NEK4: variants seen among roughly 807,000 people sequenced by gnomAD.
The protein encoded by NEK4 is serine/threonine-protein kinase Nek4.
A neutral mutation model predicts 98.4 loss-of-function variants in NEK4; 86 were observed. That is an observed-to-expected ratio of 0.87 (90% CI 0.73 to 1.05). The LOEUF (loss-of-function observed/expected upper bound fraction) is 1.05, where lower values mean the gene tolerates loss of function less well. Among genes scored for constraint, NEK4 ranks in the 50% least tolerant of loss-of-function variants. The pLI is 0.00. For missense variants in NEK4, 898 were observed against 950.3 expected (o/e 0.94, Z 0.72); for synonymous variants, 328 against 342.2 (o/e 0.96, Z 0.46).
At chr3:52,732,642 A>G in intron 15 of NEK4, 1 of 328,450 alleles carries the variant, frequency 3.0e-6, no homozygotes, top group Non-Finnish European at 6.2e-6. Context: ...AGGAGTGGAA[A>G]TAACTGGACC....
intron 15 of NEK4, among the ~76,000 whole-genome samples, chr3:52,734,324 C>A (rs1005312577): frequency 3.3e-5 from 5 of 151,982 alleles, no homozygotes; most frequent in African/African-American, 7.2e-5. Flanking sequence ...GTGGCGGGTG[C>A]CTGTAATCCC....
At chr3:52,739,955 G>C (rs2097383051) in intron 13 of NEK4, among the ~76,000 whole-genome samples, 1 of 152,214 alleles carries the variant, frequency 6.6e-6, no homozygotes, top group Non-Finnish European at 1.5e-5. Flanking sequence ...AGAAAGGACA[G>C]AGTTCAGAAC....
intron 15 of NEK4, among the ~76,000 whole-genome samples, chr3:52,712,245 C>CA (rs2097351095): frequency 6.6e-6 from 1 of 152,176 alleles, no homozygotes; most frequent in Non-Finnish European, 1.5e-5. Flanking sequence ...CATATATTTA[C>CA]AAAATAATCA....
chr3:52,730,444 C>T (rs181578973), intron 15 of NEK4, among the ~76,000 whole-genome samples: 23 of 152,234 alleles, frequency 1.5e-4, no homozygotes, highest in Admixed American at 2.6e-4. Flanking sequence ...ATGAGGCTGA[C>T]GACAATGCCC....
At chr3:52,755,857 G>C (rs956327277) in intron 6 of NEK4, among the ~76,000 whole-genome samples, 32 of 152,104 alleles carry the variant, frequency 2.1e-4, no homozygotes, top group African/African-American at 7.2e-4. Flanking sequence ...AAGAGGCAAA[G>C]TCAACATACA....
At chr3:52,753,812 C>T in intron 6 of NEK4, 3 of 466,938 alleles carry the variant, frequency 6.4e-6, no homozygotes, top group South Asian at 5.0e-5. Flanking sequence ...CTATGTGCAG[C>T]CATCTTATCC....
chr3:52,714,603 G>A (rs913277842), intron 15 of NEK4, among the ~76,000 whole-genome samples: 1 of 152,230 alleles, frequency 6.6e-6, no homozygotes, highest in Non-Finnish European at 1.5e-5. Context: ...CCGCCCCTGG[G>A]AGCCCCGCCC....
intron 15 of NEK4, among the ~76,000 whole-genome samples, chr3:52,718,329 C>T (rs1005864599): frequency 2.0e-5 from 3 of 151,208 alleles, no homozygotes; most frequent in Admixed American, 6.6e-5. Flanking sequence ...AAAAATTAGC[C>T]GGGCATGGTG....
intron 3 of NEK4, 37 bp from the exon 4 acceptor site, chr3:52,766,031 A>G (rs1559451551): frequency 6.7e-7 from 1 of 1,484,474 alleles, no homozygotes; most frequent in South Asian, 1.2e-5. Flanking sequence ...AAATGTCAGA[A>G]TAGCTTATTT....
chr3:52,770,177 T>C (rs1035768117), intron 1 of NEK4, among the ~76,000 whole-genome samples: 1 of 152,090 alleles, frequency 6.6e-6, no homozygotes, highest in African/African-American at 2.4e-5. Flanking sequence ...AGAGAAGGTT[T>C]GGCGGGAAGA....
intron 15 of NEK4, among the ~76,000 whole-genome samples, chr3:52,730,700 T>C (rs748789505): frequency 6.6e-6 from 1 of 152,242 alleles, no homozygotes. Flanking sequence ...TGGAAGACTT[T>C]ATGCAGGATT....
intron 15 of NEK4, among the ~76,000 whole-genome samples, chr3:52,729,269 CT>C (rs1237673577): frequency 6.6e-6 from 1 of 152,124 alleles, no homozygotes; most frequent in Non-Finnish European, 1.5e-5. Context: ...AAAAATTCCT[CT>C]CTTTGTACTC....
At chr3:52,763,780 T>C (rs928920986) in intron 4 of NEK4, among the ~76,000 whole-genome samples, 156 bp from the exon 5 acceptor site, 3 of 152,178 alleles carry the variant, frequency 2.0e-5, no homozygotes, top group African/African-American at 7.2e-5. Context: ...GGTATCCCAG[T>C]TGTAAGATAA....
intron 15 of NEK4, among the ~76,000 whole-genome samples, chr3:52,716,946 C>T (rs541926079): frequency 6.6e-6 from 1 of 152,302 alleles, no homozygotes; most frequent in African/African-American, 2.4e-5. Flanking sequence ...ACTTCCAGTT[C>T]AACGGTTATC....
At chr3:52,717,233 C>T (rs559374687) in intron 15 of NEK4, among the ~76,000 whole-genome samples, 2 of 152,052 alleles carry the variant, frequency 1.3e-5, no homozygotes, top group African/African-American at 4.8e-5. Flanking sequence ...CATGGTGAAA[C>T]CGCATCTCTA....
At chr3:52,733,421 G>T in intron 15 of NEK4, 1 of 383,854 alleles carries the variant, frequency 2.6e-6, no homozygotes. Flanking sequence ...CGCCCATCTT[G>T]TAATCCATTC....
chr3:52,720,902 T>C (rs2097359451), intron 15 of NEK4, among the ~76,000 whole-genome samples: 1 of 152,242 alleles, frequency 6.6e-6, no homozygotes, highest in African/African-American at 2.4e-5. Flanking sequence ...GAAAAGCTAC[T>C]GTATGAAACA....
intron 5 of NEK4, among the ~76,000 whole-genome samples, chr3:52,763,023 T>C (rs1386257630): frequency 1.3e-5 from 2 of 152,238 alleles, no homozygotes; most frequent in Non-Finnish European, 2.9e-5. Flanking sequence ...TTATCAAGAA[T>C]GGAAAGCTGA....
intron 5 of NEK4, among the ~76,000 whole-genome samples, chr3:52,762,665 G>T (rs545272489): frequency 6.6e-6 from 1 of 152,168 alleles, no homozygotes; most frequent in Non-Finnish European, 1.5e-5. Flanking sequence ...GGCGGACCAC[G>T]AGGTCGGGAG....
Sources: gnomAD v4.1 joint callset for allele counts (sites outside exome capture counted in the v4.1 genomes callset) on GRCh38, gnomAD v4.1.1 for gene constraint, MANE v1.5 for transcripts, NCBI Gene and HGNC (gene_info 2026-07-23, HGNC 2026-07-21) for gene names.